UGGT1: variants seen among roughly 807,000 people sequenced by gnomAD.
The protein encoded by UGGT1 is UDP-glucose:glycoprotein glucosyltransferase 1.
In UGGT1, 107 loss-of-function variants were observed where a neutral mutation model predicts 203.9. That is an observed-to-expected ratio of 0.52 (90% CI 0.45 to 0.62). UGGT1 has a LOEUF of 0.62. Ranked by LOEUF, UGGT1 falls within the 20% of genes least tolerant of loss-of-function variation. The pLI is 0.00. For synonymous variants in UGGT1, 628 were observed against 653.5 expected (o/e 0.96, Z 0.59); for missense variants, 1,673 against 1,867.2 (o/e 0.90, Z 1.92).
chr2:128,174,547 T>C lies in UGGT1; in HGVS notation c.3454-226T>C, dbSNP rs143136152. Among the ~76,000 whole-genome samples, 628 of 152,268 alleles carry C rather than the reference T, an allele frequency of 4.1e-3. 5 individuals carry two copies. Among genetic ancestry groups the C allele is most frequent in the African/African-American group, 0.013 (550 of 41,558 alleles). On this transcript the variant is annotated intron_variant, in intron 30 of 40. Transcript: ENST00000259253. ...AACTCCTCACCTCAGTTGATCCACC[T>C]GCCGTGGTCTCCCGAAGTGCTGGGA... is the stretch of plus-strand genomic sequence containing the variant.
chr2:128,092,605 C>CTTTTTTTTTTTT (rs55814829), intron 1 of UGGT1, among the ~76,000 whole-genome samples: 1 of 126,726 alleles, frequency 7.9e-6, no homozygotes, highest in African/African-American at 2.9e-5. Flanking sequence ...TTCTTTCTTT[C>CTTTTTTTTTTTT]TTTTTTTTTT....
intron 16 of UGGT1, among the ~76,000 whole-genome samples, chr2:128,139,363 C>T (rs1041318944): frequency 2.0e-5 from 3 of 152,118 alleles, no homozygotes; most frequent in Admixed American, 6.5e-5. Flanking sequence ...GGATTACGGC[C>T]GTGCACCACC....
intron 13 of UGGT1, among the ~76,000 whole-genome samples, chr2:128,129,461 C>T (rs151089978): frequency 0.013 from 2,009 of 148,988 alleles, 18 homozygotes; most frequent in Non-Finnish European, 0.02. Context: ...TGCAGTGGCG[C>T]GATCTTGGCT....
chr2:128,143,281 C>A (rs974355029), intron 17 of UGGT1, 56 bp downstream of exon 17: 9 of 1,523,928 alleles, frequency 5.9e-6, no homozygotes, highest in Admixed American at 2.0e-5. Context: ...GTCCTTAACC[C>A]CGTGTTTGGG....
intron 13 of UGGT1, among the ~76,000 whole-genome samples, chr2:128,130,842 A>G (rs191318068): frequency 4.8e-4 from 73 of 151,706 alleles, no homozygotes; most frequent in African/African-American, 1.6e-3. Flanking sequence ...CCCAGGCTGG[A>G]CTCAAATTCC....
At chr2:128,171,147 A>G in intron 27 of UGGT1, 58 bp from the exon 28 acceptor site, 1 of 1,498,868 alleles carries the variant, frequency 6.7e-7, no homozygotes, top group South Asian at 1.2e-5. Flanking sequence ...TCAGTGTCAA[A>G]TAATAAATTT....
Position 128,171,073 on chromosome 2 carries a change from G to A in UGGT1, c.3025-132G>A. On this transcript the variant is annotated intron_variant, in intron 27 of 40. Transcript: ENST00000259253. ...TTGTGCAGTAGAGTTGTGATTTCCA[G>A]AAGTTTCGCCAGTGCAGACTCTGTG... is the stretch of plus-strand genomic sequence containing the variant. 5.0e-6 allele frequency: 4 copies of A among 793,228 alleles called. No individual in the cohort carries two copies. In the South Asian group the frequency reaches 5.7e-5, roughly 11 times the overall value. The allele number at this position is 793,228 out of a possible 1,614,324, so 49.1% of individuals were successfully genotyped here.
chr2:128,129,655 T>C (rs1688783624), intron 13 of UGGT1, among the ~76,000 whole-genome samples: 1 of 152,044 alleles, frequency 6.6e-6, no homozygotes, highest in South Asian at 2.1e-4. Context: ...CACCTCTGCC[T>C]CCCAAAGTGC....
At chr2:128,118,915 C>G (rs10928805) in intron 8 of UGGT1, among the ~76,000 whole-genome samples, 135,318 of 151,910 alleles carry the variant, frequency 0.89, 61,254 homozygotes, top group Non-Finnish European at 0.98. Context: ...AGGGATCTGC[C>G]CACCTTGGCC....
chr2:128,117,546 CT>C (rs10694331), intron 8 of UGGT1, among the ~76,000 whole-genome samples: 16 of 137,484 alleles, frequency 1.2e-4, no homozygotes, highest in Admixed American at 2.2e-4. Flanking sequence ...AACTGTTATT[CT>C]TTTTTTTTTT....
intron 21 of UGGT1, among the ~76,000 whole-genome samples, chr2:128,156,727 C>A (rs984321454): frequency 6.6e-6 from 1 of 152,012 alleles, no homozygotes; most frequent in African/African-American, 2.4e-5. Context: ...GCCACCACGT[C>A]CAGCTAACTT....
At chr2:128,105,961 C>A (rs1687588619) in intron 3 of UGGT1, among the ~76,000 whole-genome samples, 1 of 152,068 alleles carries the variant, frequency 6.6e-6, no homozygotes, top group Admixed American at 6.5e-5. Context: ...CCAGGCCTGG[C>A]TAATTTTTAA....
At chr2:128,162,486 G>A (rs1690575934) in intron 25 of UGGT1, among the ~76,000 whole-genome samples, 1 of 151,888 alleles carries the variant, frequency 6.6e-6, no homozygotes. Flanking sequence ...TCATCATGCT[G>A]CAGAGTTCAA....
intron 1 of UGGT1, among the ~76,000 whole-genome samples, chr2:128,092,589 TTTTC>T (rs1285270890): frequency 4.0e-4 from 54 of 134,090 alleles, no homozygotes; most frequent in African/African-American, 1.4e-3. Flanking sequence ...GATGTGATAA[TTTTC>T]TTTCTTTCTT....
At position 128,103,947 on chromosome 2, in the gene UGGT1, A is replaced by G. The variant is rs1418326771; in HGVS notation, c.210A>G (p.Glu70=). ...TTTCTCCCAGTGAGTTTTTAGCAGA[A>G]GACAGTCAAGAGAAATTTTGGAATT... The part of the protein sequence containing the change: ...LLLEASEFLA[E]DSQEKFWNFV... Residue 70 remains glutamate (E), a synonymous_variant, in exon 3 of 41, where the codon GAA becomes GAG. Transcript: ENST00000259253. 1 of 1,592,126 alleles carries G rather than the reference A, an allele frequency of 6.3e-7. No individual in the cohort carries two copies. The highest frequency in any genetic ancestry group is 8.5e-7 in the Non-Finnish European group (1 of 1,174,134).
intron 1 of UGGT1, among the ~76,000 whole-genome samples, chr2:128,092,153 T>TA (rs1686895709): frequency 6.6e-6 from 1 of 152,104 alleles, no homozygotes; most frequent in African/African-American, 2.4e-5. Flanking sequence ...TCAAGAATCT[T>TA]ACACTTGCAG....
At chr2:128,179,660 G>A (rs1475415949) in intron 34 of UGGT1, 126 bp from the exon 35 acceptor site, 3 of 703,358 alleles carry the variant, frequency 4.3e-6, no homozygotes, top group Non-Finnish European at 7.0e-6. Flanking sequence ...GTCTCCCTCG[G>A]CCTAATTGAG....
intron 15 of UGGT1, among the ~76,000 whole-genome samples, chr2:128,136,729 G>A (rs1181660968): frequency 6.6e-6 from 1 of 152,224 alleles, no homozygotes; most frequent in Non-Finnish European, 1.5e-5. Flanking sequence ...AAATACCGAG[G>A]AGCGTGATTG....
chr2:128,131,457 C>A (rs1688874231), intron 13 of UGGT1, among the ~76,000 whole-genome samples: 1 of 152,148 alleles, frequency 6.6e-6, no homozygotes, highest in Admixed American at 6.6e-5. Context: ...CCTGCCTCAG[C>A]CTCCTGAACA....
Sources: allele counts gnomAD v4.1 joint callset (sites outside exome capture counted in the v4.1 genomes callset), GRCh38; gene constraint gnomAD v4.1.1; transcripts MANE v1.5; gene names NCBI Gene and HGNC (gene_info 2026-07-23, HGNC 2026-07-21).